MDFIC: variants seen among roughly 807,000 people sequenced by gnomAD.
MDFIC encodes myoD family inhibitor domain-containing protein.
A neutral mutation model predicts 23.2 loss-of-function variants in MDFIC; 17 were observed. The ratio of observed to expected loss-of-function variants is 0.73; its 90% CI spans 0.50 to 1.10. The LOEUF is 1.10. Ranked by LOEUF, MDFIC falls within the 50% of genes least tolerant of loss-of-function variation. The pLI, the probability that MDFIC is intolerant of heterozygous loss-of-function variation, is 0.00. For synonymous variants in MDFIC, 120 were observed against 115.2 expected, an observed-to-expected ratio of 1.04 and a Z score of -0.27; for missense variants, 356 against 316.6, an observed-to-expected ratio of 1.12 and a Z score of -0.95.
At chr7:115,006,553 A>T (rs546238954) in intron 4 of MDFIC, among the ~76,000 whole-genome samples, 10 of 152,248 alleles carry the variant, frequency 6.6e-5, no homozygotes, top group African/African-American at 9.6e-5. Flanking sequence ...TACTTGCACA[A>T]TGTATAAGCC....
rs1415191836 is a variant in MDFIC, at chr7:115,017,194, A to G, written c.*1259A>G. On this transcript the variant is annotated 3_prime_UTR_variant, in exon 5 of 5. Transcript: ENST00000393486. The stretch of plus-strand genomic sequence containing the variant: ...GTTGTAGGAATACAGCTTTTTGAAA[A>G]AGCTATAAAGTTTAAATTAACTAAA... 1 of 152,176 alleles carries G rather than the reference A, an allele frequency of 6.6e-6. No homozygotes were observed. The highest frequency in any genetic ancestry group is 1.5e-5 in the Non-Finnish European group (1 of 68,020). 9.4% of individuals were successfully genotyped at this position (152,176 alleles called of 1,614,324 possible).
intron 4 of MDFIC, among the ~76,000 whole-genome samples, chr7:114,989,790 G>T (rs909168399): frequency 6.6e-6 from 1 of 152,112 alleles, no homozygotes; most frequent in Admixed American, 6.6e-5. Context: ...TGACTAAAAA[G>T]CCTTTCTCAA....
chr7:114,926,510 C>T (rs77336725), intron 2 of MDFIC, among the ~76,000 whole-genome samples: 2,239 of 152,200 alleles, frequency 0.015, 104 homozygotes, highest in East Asian at 0.084. Context: ...TTTCCCCCAA[C>T]CCCCCAAGAC....
rs1270088728 is a variant in MDFIC, at chr7:114,937,486, CT to C, written c.95-4787del. On this transcript the variant is annotated intron_variant, in intron 2 of 4. Coordinates refer to ENST00000393486, the MANE Select transcript of MDFIC (RefSeq NM_001166345.3). ...GAGAGTTTGGCTCTATTGTTTAGCT[CT>C]TGTGAAGAATCAGATTTGCAGAATT... is the stretch of plus-strand genomic sequence containing the variant. Among the ~76,000 whole-genome samples the C allele has an allele frequency of 3.3e-5, 5 of 152,310 alleles. No individual in the cohort carries two copies. In the South Asian group the frequency reaches 1.0e-3, roughly 32 times the overall value.
At position 115,015,706 on chromosome 7, in the gene MDFIC, T is replaced by C; in HGVS notation, c.512T>C (p.Ile171Thr). 3.7e-6 allele frequency: 6 copies of C among 1,614,218 alleles called. No individual in the cohort carries two copies. The highest frequency in any genetic ancestry group is 2.2e-5 in the East Asian group (1 of 44,880). Residue 171 changes from isoleucine (I) to threonine (T), a missense_variant, in exon 5 of 5, where the codon ATC becomes ACC. By Grantham distance (89) the Ile-to-Thr change is moderately conservative. Coordinates refer to ENST00000393486, the MANE Select transcript of MDFIC (RefSeq NM_001166345.3). ...SSPEDCCVHC[I>T]LACLFCEFLT... Reference sequence around the variant, plus strand: ...AATGAAGATTGTTGTGTCCACTGTATCCTGGCTTGCTTGTTCTGCGAATTC... The same window carrying C: ...AATGAAGATTGTTGTGTCCACTGTACCCTGGCTTGCTTGTTCTGCGAATTC...
intron 4 of MDFIC, among the ~76,000 whole-genome samples, chr7:114,993,511 C>A (rs1791238479): frequency 6.6e-6 from 1 of 152,212 alleles, no homozygotes; most frequent in Admixed American, 6.5e-5. Context: ...TCCCTTTACA[C>A]ACTGCTTTAA....
At chr7:115,009,418 GTAAA>G (rs1791635694) in intron 4 of MDFIC, among the ~76,000 whole-genome samples, 1 of 152,168 alleles carries the variant, frequency 6.6e-6, no homozygotes, top group African/African-American at 2.4e-5. Context: ...AGTTTATTTT[GTAAA>G]TAGTTTTCTG....
chr7:115,008,523 C>CAG (rs1251408498), intron 4 of MDFIC, among the ~76,000 whole-genome samples: 3 of 152,120 alleles, frequency 2.0e-5, no homozygotes, highest in Non-Finnish European at 4.4e-5. Flanking sequence ...AGTCTTGTGC[C>CAG]AGAGCGTTCT....
At chr7:114,978,556 T>G (rs552621137) in intron 3 of MDFIC, among the ~76,000 whole-genome samples, 2 of 152,054 alleles carry the variant, frequency 1.3e-5, no homozygotes, top group Non-Finnish European at 2.9e-5. Flanking sequence ...GAAGAGTTAT[T>G]TTTCTTGTTT....
At chr7:114,928,824 A>G (rs115518123) in intron 2 of MDFIC, among the ~76,000 whole-genome samples, 1 of 152,326 alleles carries the variant, frequency 6.6e-6, no homozygotes, top group Non-Finnish European at 1.5e-5. Context: ...TGATTATAAT[A>G]GGCTGACAAA....
chr7:114,959,684 T>A (rs1391865350), intron 3 of MDFIC, among the ~76,000 whole-genome samples: 1 of 152,024 alleles, frequency 6.6e-6, no homozygotes, highest in African/African-American at 2.4e-5. Context: ...TTCACACACA[T>A]AATGATTATG....
At chr7:114,948,526 C>T (rs1010653460) in intron 3 of MDFIC, among the ~76,000 whole-genome samples, 3 of 152,096 alleles carry the variant, frequency 2.0e-5, no homozygotes, top group Non-Finnish European at 4.4e-5. Flanking sequence ...CCCTCCCTGC[C>T]TTTTGCATCC....
intron 4 of MDFIC, among the ~76,000 whole-genome samples, chr7:114,991,224 G>A (rs560751701): frequency 2.0e-5 from 3 of 152,010 alleles, no homozygotes; most frequent in South Asian, 4.2e-4. Flanking sequence ...AATTTGTTTG[G>A]GTTCTTTGTA....
At chr7:114,974,352 T>C (rs1793266110) in intron 3 of MDFIC, among the ~76,000 whole-genome samples, 1 of 152,050 alleles carries the variant, frequency 6.6e-6, no homozygotes, top group Admixed American at 6.6e-5. Flanking sequence ...ATTGTGACCA[T>C]GGAGTAGCAA....
chr7:114,966,936 T>C (rs1273492996), intron 3 of MDFIC, among the ~76,000 whole-genome samples: 1 of 152,178 alleles, frequency 6.6e-6, no homozygotes, highest in Non-Finnish European at 1.5e-5. Flanking sequence ...GGGATGAAGG[T>C]GCTAATATTC....
intron 3 of MDFIC, among the ~76,000 whole-genome samples, chr7:114,953,269 T>C (rs1202916668): frequency 3.9e-5 from 6 of 152,210 alleles, no homozygotes; most frequent in Non-Finnish European, 8.8e-5. Flanking sequence ...TAAAAGGTTG[T>C]CTTTTAAATT....
At chr7:114,931,883 A>G (rs1792314676) in intron 2 of MDFIC, among the ~76,000 whole-genome samples, 1 of 152,224 alleles carries the variant, frequency 6.6e-6, no homozygotes, top group Admixed American at 6.5e-5. Context: ...GCTCTCTGAA[A>G]CTAGGTGGCA....
chr7:115,011,381 G>A (rs183960947), intron 4 of MDFIC, among the ~76,000 whole-genome samples: 5 of 152,100 alleles, frequency 3.3e-5, no homozygotes, highest in East Asian at 3.9e-4. Context: ...TGATGAAAAC[G>A]TCTCTACTTT....
At chr7:114,943,983 T>C (rs932609789) in intron 3 of MDFIC, among the ~76,000 whole-genome samples, 3 of 152,218 alleles carry the variant, frequency 2.0e-5, no homozygotes, top group Non-Finnish European at 2.9e-5. Context: ...GTCATGCTAA[T>C]GTGTTAAATT....
Sources: gnomAD v4.1 joint callset for allele counts (sites outside exome capture counted in the v4.1 genomes callset) on GRCh38, gnomAD v4.1.1 for gene constraint, MANE v1.5 for transcripts, NCBI Gene and HGNC (gene_info 2026-07-23, HGNC 2026-07-21) for gene names.